Variants in STAG1 observed in about 807,000 individuals in gnomAD.
STAG1 encodes the protein STAG1 cohesin complex component.
Under a neutral mutation model 170.9 loss-of-function variants are expected in STAG1, and 26 were observed. That is an observed-to-expected ratio of 0.15 (90% CI 0.11 to 0.21). The LOEUF is 0.21. Among genes scored for constraint, STAG1 ranks in the 10% least tolerant of loss-of-function variants. The pLI is 1.00. For synonymous variants in STAG1, 514 were observed against 497.7 expected (o/e 1.03, Z -0.44); for missense variants, 964 against 1,509.5 (o/e 0.64, Z 5.99).
At chr3:136,396,546 T>A (rs994738824) in intron 22 of STAG1, among the ~76,000 whole-genome samples, 2 of 83,234 alleles carry the variant, frequency 2.4e-5, no homozygotes, top group Non-Finnish European at 5.0e-5. Context: ...TTTTTTTTTT[T>A]GGAGACAGTC....
At chr3:136,720,679 C>T (rs1933196921) in intron 1 of STAG1, among the ~76,000 whole-genome samples, 1 of 152,030 alleles carries the variant, frequency 6.6e-6, no homozygotes, top group Non-Finnish European at 1.5e-5. Flanking sequence ...AATCCTGCTA[C>T]TCGGGAGGTT....
chr3:136,651,492 A>C (rs1467918413), intron 1 of STAG1, among the ~76,000 whole-genome samples: 2 of 152,084 alleles, frequency 1.3e-5, no homozygotes, highest in Non-Finnish European at 2.9e-5. Flanking sequence ...AAATCTTGTA[A>C]ATATTAAAAA....
At chr3:136,515,458 A>C (rs1056488689) in intron 7 of STAG1, among the ~76,000 whole-genome samples, 1 of 152,230 alleles carries the variant, frequency 6.6e-6, no homozygotes, top group Non-Finnish European at 1.5e-5. Flanking sequence ...ATGACTCAGG[A>C]AACAAAAGAT....
chr3:136,643,896 G>C (rs1169359758), intron 1 of STAG1, among the ~76,000 whole-genome samples: 1 of 152,058 alleles, frequency 6.6e-6, no homozygotes, highest in Non-Finnish European at 1.5e-5. Context: ...CAATTTACTA[G>C]ACCTACCAAC....
At chr3:136,542,523 T>C (rs1935959321) in intron 5 of STAG1, among the ~76,000 whole-genome samples, 2 of 152,124 alleles carry the variant, frequency 1.3e-5, no homozygotes, top group South Asian at 4.1e-4. Context: ...ACAATCTCTA[T>C]GGTATGCAGT....
At chr3:136,625,603 A>G (rs897172004) in intron 2 of STAG1, among the ~76,000 whole-genome samples, 1 of 152,182 alleles carries the variant, frequency 6.6e-6, no homozygotes, top group Non-Finnish European at 1.5e-5. Context: ...TCCTGTCTAT[A>G]AACTCGAATT....
At chr3:136,386,925 G>A (rs982170933) in intron 22 of STAG1, among the ~76,000 whole-genome samples, 2 of 152,068 alleles carry the variant, frequency 1.3e-5, no homozygotes, top group African/African-American at 4.8e-5. Flanking sequence ...TTTTTGGAAT[G>A]GGCAGAAATA....
chr3:136,669,788 AGCTATATT>A (rs1348258808), intron 1 of STAG1, among the ~76,000 whole-genome samples: 1 of 152,242 alleles, frequency 6.6e-6, no homozygotes, highest in African/African-American at 2.4e-5. Flanking sequence ...ACAACTTCAG[AGCTATATT>A]GCTGCAGAAA....
chr3:136,436,896 C>T (rs1355390453), intron 15 of STAG1, among the ~76,000 whole-genome samples: 1 of 152,156 alleles, frequency 6.6e-6, no homozygotes, highest in Non-Finnish European at 1.5e-5. Flanking sequence ...AACACATGAA[C>T]TTTAGCTTAT....
intron 23 of STAG1, among the ~76,000 whole-genome samples, chr3:136,371,979 T>A (rs1197564662): frequency 5.3e-5 from 8 of 152,140 alleles, no homozygotes; most frequent in African/African-American, 1.9e-4. Context: ...TGATTCTTCC[T>A]ACCCATGAGC....
intron 1 of STAG1, among the ~76,000 whole-genome samples, chr3:136,706,603 T>C (rs972834131): frequency 3.3e-5 from 5 of 152,174 alleles, no homozygotes; most frequent in Non-Finnish European, 5.9e-5. Context: ...ATTCCCCAAT[T>C]AGATCATTTA....
intron 14 of STAG1, among the ~76,000 whole-genome samples, chr3:136,450,230 A>G (rs1202501625): frequency 6.6e-6 from 1 of 152,204 alleles, no homozygotes; most frequent in Non-Finnish European, 1.5e-5. Flanking sequence ...TAGTATGCAA[A>G]GTGTGATCCT....
At chr3:136,455,324 A>G (rs978194452) in intron 13 of STAG1, among the ~76,000 whole-genome samples, 1 of 152,214 alleles carries the variant, frequency 6.6e-6, no homozygotes, top group Non-Finnish European at 1.5e-5. Flanking sequence ...CACAGAATCA[A>G]GAAACTATGA....
intron 1 of STAG1, among the ~76,000 whole-genome samples, chr3:136,748,028 G>A (rs1264534781): frequency 6.6e-6 from 1 of 151,494 alleles, no homozygotes; most frequent in East Asian, 2.0e-4. Flanking sequence ...ACCCACCTTG[G>A]CCTCCCAAAG....
chr3:136,600,241 C>T (rs1032292014), intron 4 of STAG1, among the ~76,000 whole-genome samples: 6 of 152,196 alleles, frequency 3.9e-5, no homozygotes, highest in Middle Eastern at 3.2e-3. Flanking sequence ...ACTTGAGATA[C>T]ACGATTACCC....
intron 4 of STAG1, among the ~76,000 whole-genome samples, 190 bp downstream of exon 4, chr3:136,604,119 A>G (rs1336107690): frequency 6.6e-6 from 1 of 152,176 alleles, no homozygotes; most frequent in Admixed American, 6.5e-5. Flanking sequence ...ACAAAAGTAC[A>G]TCTTACGATT....
chr3:136,551,335 C>A (rs1207541790), intron 5 of STAG1, among the ~76,000 whole-genome samples: 1 of 148,914 alleles, frequency 6.7e-6, no homozygotes, highest in African/African-American at 2.5e-5. Context: ...GCAGCCTTGA[C>A]CTCCCAGAAT....
intron 12 of STAG1, among the ~76,000 whole-genome samples, chr3:136,468,553 T>C: frequency 6.6e-6 from 1 of 152,156 alleles, no homozygotes; most frequent in East Asian, 1.9e-4. Flanking sequence ...ACCAGATGGA[T>C]TCACAGTCGA....
intron 21 of STAG1, among the ~76,000 whole-genome samples, chr3:136,400,593 T>G (rs952436365): frequency 1.3e-5 from 2 of 151,662 alleles, no homozygotes; most frequent in Non-Finnish European, 2.9e-5. Flanking sequence ...GGGAGTGCAA[T>G]GGCACTGTCT....
Sources: allele counts gnomAD v4.1 joint callset (sites outside exome capture counted in the v4.1 genomes callset), GRCh38; gene constraint gnomAD v4.1.1; transcripts MANE v1.5; gene names NCBI Gene and HGNC (gene_info 2026-07-23, HGNC 2026-07-21).